Variants in CSMD3 observed in about 807,000 individuals in gnomAD.
CSMD3 encodes the protein CUB and sushi domain-containing protein 3.
A neutral mutation model predicts 435.2 loss-of-function variants in CSMD3; 177 were observed. That is an observed-to-expected ratio of 0.41 (90% confidence interval 0.36 to 0.46). The LOEUF (loss-of-function observed/expected upper bound fraction) is 0.46, where lower values mean the gene tolerates loss of function less well. CSMD3 is among the 20% of genes least tolerant of loss of function. The probability of loss-of-function intolerance (pLI) is 0.34; values close to 1 mark genes in which losing one functional copy is unlikely to be tolerated. For synonymous variants in CSMD3, 1,656 were observed against 1,520.5 expected, an observed-to-expected ratio of 1.09 and a Z score of -2.07; for missense variants, 4,265 against 4,504.6, an observed-to-expected ratio of 0.95 and a Z score of 1.52.
chr8:112,415,723 C>T (rs1296480627), intron 32 of CSMD3, among the ~76,000 whole-genome samples: 2 of 152,186 alleles, frequency 1.3e-5, no homozygotes, highest in Non-Finnish European at 2.9e-5. Context: ...TTGCCCAAGG[C>T]TGACAGAGCC....
At chr8:113,429,901 G>A (rs1442218983) in intron 1 of CSMD3, among the ~76,000 whole-genome samples, 1 of 152,104 alleles carries the variant, frequency 6.6e-6, no homozygotes, top group Non-Finnish European at 1.5e-5. Flanking sequence ...TGATATTTAA[G>A]GACCTATGAA....
At chr8:112,552,524 T>A in intron 26 of CSMD3, 70 bp downstream of exon 26, 1 of 1,432,780 alleles carries the variant, frequency 7.0e-7, no homozygotes, top group Non-Finnish European at 9.7e-7. Flanking sequence ...AAATGGATAT[T>A]AATTTTATAT....
intron 32 of CSMD3, among the ~76,000 whole-genome samples, chr8:112,443,167 G>A (rs1815227950): frequency 6.6e-6 from 1 of 152,152 alleles, no homozygotes; most frequent in Non-Finnish European, 1.5e-5. Context: ...AGACACTAGT[G>A]TTAAGTGAAT....
chr8:112,347,836 C>T (rs1456419742), intron 40 of CSMD3, among the ~76,000 whole-genome samples: 1 of 152,136 alleles, frequency 6.6e-6, no homozygotes, highest in Non-Finnish European at 1.5e-5. Context: ...TATGGCAATA[C>T]ATTTGTAGGT....
intron 10 of CSMD3, among the ~76,000 whole-genome samples, chr8:112,906,983 A>G (rs974197894): frequency 6.6e-6 from 1 of 151,600 alleles, no homozygotes; most frequent in Non-Finnish European, 1.5e-5. Flanking sequence ...ACTATAAAGA[A>G]AATAAAAGAT....
chr8:112,873,037 C>T (rs902304982), intron 10 of CSMD3, among the ~76,000 whole-genome samples: 3 of 151,978 alleles, frequency 2.0e-5, no homozygotes, highest in Non-Finnish European at 4.4e-5. Flanking sequence ...TATTTACCAC[C>T]TTTGATGTGG....
chr8:112,494,520 T>C (rs1230720337), intron 30 of CSMD3, among the ~76,000 whole-genome samples: 56 of 132,900 alleles, frequency 4.2e-4, no homozygotes, highest in African/African-American at 1.5e-3. Context: ...TCTTTCTTTC[T>C]TTCTTTCTTT....
chr8:112,994,792 T>C (rs554060308), intron 6 of CSMD3, among the ~76,000 whole-genome samples: 77 of 151,520 alleles, frequency 5.1e-4, no homozygotes, highest in Non-Finnish European at 1.0e-3. Flanking sequence ...ACTTATAAGT[T>C]AGAATACATA....
chr8:112,443,483 A>T (rs2130525369), intron 32 of CSMD3, among the ~76,000 whole-genome samples: 1 of 152,310 alleles, frequency 6.6e-6, no homozygotes, highest in African/African-American at 2.4e-5. Flanking sequence ...AGTTCTGAAA[A>T]TGTCCACAAG....
At chr8:112,901,010 C>G (rs1465197940) in intron 10 of CSMD3, among the ~76,000 whole-genome samples, 1 of 151,188 alleles carries the variant, frequency 6.6e-6, no homozygotes, top group East Asian at 2.0e-4. Flanking sequence ...GTAGTAATAA[C>G]CAGTATTAAC....
At chr8:113,165,130 C>G (rs1398247369) in intron 4 of CSMD3, among the ~76,000 whole-genome samples, 1 of 152,106 alleles carries the variant, frequency 6.6e-6, no homozygotes, top group Non-Finnish European at 1.5e-5. Flanking sequence ...ACAGGGGATT[C>G]TGAAGCTGTC....
chr8:113,391,449 G>A (rs895334061), intron 1 of CSMD3, among the ~76,000 whole-genome samples: 12 of 152,004 alleles, frequency 7.9e-5, no homozygotes, highest in Admixed American at 1.3e-4. Flanking sequence ...ACAAAGTTCC[G>A]TGGGTTTAGA....
intron 10 of CSMD3, among the ~76,000 whole-genome samples, chr8:112,896,256 A>G (rs1031008968): frequency 6.6e-6 from 1 of 151,408 alleles, no homozygotes; most frequent in Non-Finnish European, 1.5e-5. Context: ...AACATATCCC[A>G]GCATCAGCCA....
intron 19 of CSMD3, among the ~76,000 whole-genome samples, chr8:112,647,077 G>A: frequency 7.0e-6 from 1 of 143,002 alleles, no homozygotes; most frequent in South Asian, 2.2e-4. Context: ...AGCAAGTATA[G>A]AAATAACTCA....
At chr8:113,325,983 A>C (rs2093981058) in intron 1 of CSMD3, among the ~76,000 whole-genome samples, 2 of 152,236 alleles carry the variant, frequency 1.3e-5, no homozygotes, top group African/African-American at 4.8e-5. Context: ...CCAAATAAGA[A>C]GACATCTTAA....
intron 2 of CSMD3, among the ~76,000 whole-genome samples, chr8:113,288,785 C>T (rs370214319): frequency 6.6e-6 from 1 of 151,846 alleles, no homozygotes; most frequent in South Asian, 2.1e-4. Context: ...CATTCTGCTG[C>T]TTATTAGCAG....
chr8:112,838,808 T>C (rs1039890193), intron 11 of CSMD3, among the ~76,000 whole-genome samples: 3 of 151,790 alleles, frequency 2.0e-5, no homozygotes, highest in African/African-American at 7.2e-5. Flanking sequence ...ATGTTAATGA[T>C]GTTTAAGTAA....
intron 41 of CSMD3, among the ~76,000 whole-genome samples, chr8:112,343,796 T>G (rs1403875379): frequency 1.3e-5 from 2 of 152,084 alleles, no homozygotes; most frequent in Non-Finnish European, 2.9e-5. Flanking sequence ...ACAGGCGGGC[T>G]CCACCATGTG....
At position 112,628,062 on chromosome 8, in the gene CSMD3, G is replaced by A. The variant is rs1249829449; in HGVS notation, c.3715+8755C>T. On this transcript the variant is annotated intron_variant, in intron 22 of 70. Transcript: ENST00000297405. The stretch of plus-strand genomic sequence containing the variant: ...AAATTTGTTTGTCTACAAATCCCAA[G>A]TGAATAAGAATTGAAGTTCACAGTC... 3.9e-5 allele frequency among the ~76,000 whole-genome samples: 6 copies of A among 152,276 alleles called. No individual in the cohort carries two copies. The South Asian group carries it at 1.0e-3, about 26-fold the overall frequency.
Sources: gnomAD v4.1 joint callset for allele counts (sites outside exome capture counted in the v4.1 genomes callset) on GRCh38, gnomAD v4.1.1 for gene constraint, MANE v1.5 for transcripts, NCBI Gene and HGNC (gene_info 2026-07-23, HGNC 2026-07-21) for gene names.